FOCAD: variants seen among roughly 807,000 people sequenced by gnomAD.
FOCAD encodes the protein KIAA1797.
FOCAD carries 198 observed loss-of-function variants against 225.6 expected under a neutral mutation model. That is an observed-to-expected ratio of 0.88 (90% CI 0.78 to 0.99). The LOEUF (loss-of-function observed/expected upper bound fraction) is 0.99, where lower values mean the gene tolerates loss of function less well. FOCAD is among the 50% of genes least tolerant of loss of function. The pLI, the probability that FOCAD is intolerant of heterozygous loss-of-function variation, is 0.00. For synonymous variants in FOCAD, 897 were observed against 755.0 expected (o/e 1.19, Z -3.08); for missense variants, 2,713 against 2,123.6 (o/e 1.28, Z -5.46).
intron 15 of FOCAD, among the ~76,000 whole-genome samples, chr9:20,840,042 A>T (rs1218812959): frequency 6.6e-6 from 1 of 152,098 alleles, no homozygotes; most frequent in African/African-American, 2.4e-5. Context: ...TGCCAGTAGC[A>T]TGCTGTTTTG....
chr9:20,888,225 G>A (rs1204629934), intron 21 of FOCAD, among the ~76,000 whole-genome samples: 3 of 138,548 alleles, frequency 2.2e-5, no homozygotes, highest in South Asian at 2.4e-4. Flanking sequence ...TACAACCTCC[G>A]CCTCCTGGGC....
intron 22 of FOCAD, among the ~76,000 whole-genome samples, chr9:20,909,999 C>A (rs891209355): frequency 2.6e-5 from 4 of 152,036 alleles, no homozygotes; most frequent in African/African-American, 9.7e-5. Context: ...GGTAGATTCT[C>A]CATTACTTCC....
chr9:20,769,117 T>A (rs1321499356), intron 7 of FOCAD, among the ~76,000 whole-genome samples: 1 of 152,222 alleles, frequency 6.6e-6, no homozygotes, highest in African/African-American at 2.4e-5. Flanking sequence ...GCAAAATAAT[T>A]TATACCAGAC....
chr9:20,777,994 G>T (rs1368313567), intron 8 of FOCAD, among the ~76,000 whole-genome samples: 2 of 147,838 alleles, frequency 1.4e-5, no homozygotes, highest in East Asian at 2.0e-4. Flanking sequence ...GGAGGCTGAG[G>T]CAGGAGAATG....
intron 27 of FOCAD, among the ~76,000 whole-genome samples, chr9:20,929,963 A>G (rs187242025): frequency 2.6e-5 from 4 of 152,288 alleles, no homozygotes; most frequent in Admixed American, 6.5e-5. Flanking sequence ...ATAACTGCCA[A>G]TCTTTTGTTG....
chr9:20,663,338 C>G (rs1587173896), intron 2 of FOCAD, among the ~76,000 whole-genome samples: 1 of 152,076 alleles, frequency 6.6e-6, no homozygotes, highest in Non-Finnish European at 1.5e-5. Flanking sequence ...GCCTGAGTGA[C>G]AGGGAAAGAC....
At chr9:20,864,647 T>C (rs983445800) in intron 16 of FOCAD, among the ~76,000 whole-genome samples, 1 of 152,108 alleles carries the variant, frequency 6.6e-6, no homozygotes, top group Non-Finnish European at 1.5e-5. Flanking sequence ...CATATATTAT[T>C]TTCCCCATTC....
At chr9:20,827,591 G>A (rs189221537) in intron 15 of FOCAD, among the ~76,000 whole-genome samples, 53 of 152,052 alleles carry the variant, frequency 3.5e-4, no homozygotes, top group African/African-American at 1.2e-3. Flanking sequence ...TTGGGACAGT[G>A]TAGATGAACC....
At chr9:20,695,177 T>G (rs1823260108) in intron 1 of FOCAD, among the ~76,000 whole-genome samples, 1 of 152,152 alleles carries the variant, frequency 6.6e-6, no homozygotes, top group Admixed American at 6.5e-5. Context: ...TATAGAGAGT[T>G]GTGTATATTA....
intron 27 of FOCAD, among the ~76,000 whole-genome samples, chr9:20,930,256 G>GT (rs1275374568): frequency 6.6e-6 from 1 of 152,042 alleles, no homozygotes; most frequent in Non-Finnish European, 1.5e-5. Flanking sequence ...AATCGGAAAG[G>GT]TTTTTTTAGT....
At position 20,881,469 on chromosome 9, in the gene FOCAD, G is replaced by T. The variant is rs536177007; in HGVS notation, c.2318-402G>T. On this transcript the variant is annotated intron_variant, in intron 19 of 43. Coordinates refer to ENST00000338382, the MANE Select transcript of FOCAD (RefSeq NM_001375567.1). Reference sequence around the variant, plus strand: ...ACAAAATTCTGGCCTCTGGGCAGAGGAAGGTTTATAGAGGATGGTCAAGAG... The same window carrying T: ...ACAAAATTCTGGCCTCTGGGCAGAGTAAGGTTTATAGAGGATGGTCAAGAG... 5.3e-5 allele frequency among the ~76,000 whole-genome samples: 8 copies of T among 152,356 alleles called. No homozygotes were observed. The South Asian group carries it at 1.5e-3, about 28-fold the overall frequency.
At chr9:20,755,534 T>C (rs1280190907) in intron 5 of FOCAD, among the ~76,000 whole-genome samples, 2 of 152,188 alleles carry the variant, frequency 1.3e-5, no homozygotes, top group Non-Finnish European at 2.9e-5. Flanking sequence ...TTAGCGGTTT[T>C]TTTTGGTGGG....
intron 3 of FOCAD, among the ~76,000 whole-genome samples, chr9:20,719,526 G>T (rs1340497091): frequency 6.6e-6 from 1 of 151,870 alleles, no homozygotes; most frequent in Non-Finnish European, 1.5e-5. Flanking sequence ...TAATACAACT[G>T]TGTGTAAGTC....
intron 15 of FOCAD, among the ~76,000 whole-genome samples, chr9:20,845,172 T>C (rs1401188789): frequency 1.3e-5 from 2 of 152,086 alleles, no homozygotes; most frequent in Non-Finnish European, 2.9e-5. Context: ...TATTAGAATA[T>C]GCATATTGGT....
At chr9:20,744,617 G>C (rs1827894522) in intron 5 of FOCAD, among the ~76,000 whole-genome samples, 1 of 152,132 alleles carries the variant, frequency 6.6e-6, no homozygotes, top group Admixed American at 6.5e-5. Flanking sequence ...AAAATATATG[G>C]ATGACTGGGC....
intron 11 of FOCAD, among the ~76,000 whole-genome samples, chr9:20,814,924 G>A (rs1020018496): frequency 6.6e-6 from 1 of 151,610 alleles, no homozygotes; most frequent in East Asian, 1.9e-4. Context: ...AGTGATTCAC[G>A]CACCACTGTT....
At chr9:20,801,430 C>T (rs769510258) in intron 11 of FOCAD, among the ~76,000 whole-genome samples, 1 of 152,116 alleles carries the variant, frequency 6.6e-6, no homozygotes, top group South Asian at 2.1e-4. Context: ...GATCCACCTG[C>T]CTTGGCCTCC....
Position 20,995,625 on chromosome 9 carries a change from G to A in FOCAD, c.5402G>A (p.Trp1801Ter). Residue 1801 changes from tryptophan to a stop codon, truncating the protein, a stop_gained, in exon 44 of 44, where the codon TGG (tryptophan) becomes TAG (stop). Coordinates refer to ENST00000338382, the MANE Select transcript of FOCAD (RefSeq NM_001375567.1). LOFTEE classifies it high-confidence loss of function. ...GCTGTATGGACCAGAGCATATGGTT[G>A]GTGAACAGTTTTGCAGTAACCAGCA... ...KKAVWTRAYGW is the reference protein window; with the variant it reads ...KKAVWTRAYG The A allele has an allele frequency of 6.2e-7, 1 of 1,612,172 alleles. No individual in the cohort carries two copies. Among genetic ancestry groups the A allele is most frequent in the Non-Finnish European group, 8.5e-7 (1 of 1,178,466 alleles).
chr9:20,976,423 C>T lies in FOCAD; in HGVS notation c.4136C>T (p.Pro1379Leu), dbSNP rs1412497107. ...TATTTTTCACTGTCTGTTATAGGTC[C>T]TGAATCTGTGCCTCCTTCCCTTCTT... Reference protein sequence around the residue: ...GFFITGGKKGPESVPPSLLKV... With the variant: ...GFFITGGKKGLESVPPSLLKV... The change falls in exon 36 of 44, where the codon CCT becomes CTT. Residue 1379 changes from proline to leucine, a missense_variant. Pro to Leu is a moderately conservative substitution (Grantham distance 98). Coordinates refer to ENST00000338382, the MANE Select transcript of FOCAD (RefSeq NM_001375567.1). The T allele has an allele frequency of 5.6e-6, 9 of 1,612,664 alleles. No individual in the cohort carries two copies. The East Asian group carries it at 1.6e-4, about 28-fold the overall frequency.
Sources: gnomAD v4.1 joint callset for allele counts (sites outside exome capture counted in the v4.1 genomes callset) on GRCh38, gnomAD v4.1.1 for gene constraint, MANE v1.5 for transcripts, NCBI Gene and HGNC (gene_info 2026-07-23, HGNC 2026-07-21) for gene names.